FRMPD4: variants seen among roughly 807,000 people sequenced by gnomAD.
The protein encoded by FRMPD4 is FERM and PDZ domain-containing protein 4.
FRMPD4 carries 22 observed loss-of-function variants against 94.1 expected under a neutral mutation model. The ratio of observed to expected loss-of-function variants is 0.23; its 90% CI spans 0.17 to 0.33. The LOEUF is 0.33. Ranked by LOEUF, FRMPD4 falls within the 10% of genes least tolerant of loss-of-function variation. FRMPD4 has a pLI of 1.00. For synonymous variants in FRMPD4, 631 were observed against 548.6 expected (o/e 1.15, Z -2.10); for missense variants, 1,111 against 1,339.9 (o/e 0.83, Z 2.67).
chrX:12,339,345 TG>T (rs1423015929), intron 1 of FRMPD4, among the ~76,000 whole-genome samples: 1 of 112,133 alleles, frequency 8.9e-6, no homozygotes, highest in Non-Finnish European at 1.9e-5. Context: ...TGTTTTTGTT[TG>T]TTTCTTTGTT....
rs761843564 is a variant in FRMPD4, at chrX:12,402,138, G to C, written c.42-96542G>C. 4.5e-5 allele frequency among the ~76,000 whole-genome samples: 5 copies of C among 111,517 alleles called. No homozygotes were observed. The South Asian group carries it at 1.9e-3, about 42-fold the overall frequency. On this transcript the variant is annotated intron_variant, in intron 1 of 16. Coordinates refer to ENST00000675598, the MANE Select transcript of FRMPD4 (RefSeq NM_001368397.1). ...GGTTGAGGAGAAGGAGGAAGAGACTGGCTGGACTAAGTACAGCTAGCAGCT... is the reference window on the plus strand; with the variant it reads ...GGTTGAGGAGAAGGAGGAAGAGACTCGCTGGACTAAGTACAGCTAGCAGCT...
intron 1 of FRMPD4, among the ~76,000 whole-genome samples, chrX:12,281,763 CTG>C (rs1442961694): frequency 1.8e-5 from 2 of 111,842 alleles, no homozygotes; most frequent in East Asian, 2.8e-4. Context: ...GTGAAAGACA[CTG>C]TGCTCTGTAG....
At chrX:12,369,665 T>C (rs943297435) in intron 1 of FRMPD4, among the ~76,000 whole-genome samples, 9 of 112,170 alleles carry the variant, frequency 8.0e-5, no homozygotes, top group African/African-American at 2.9e-4. Flanking sequence ...AAGTAGGAAT[T>C]CAATAGTTGG....
intron 4 of FRMPD4, among the ~76,000 whole-genome samples, chrX:12,627,357 T>C (rs2059356542): frequency 8.9e-6 from 1 of 112,215 alleles, no homozygotes; most frequent in Non-Finnish European, 1.9e-5. Flanking sequence ...TGATGTGTAA[T>C]ATAATAAGGC....
At chrX:12,351,993 G>T in intron 1 of FRMPD4, among the ~76,000 whole-genome samples, 1 of 112,133 alleles carries the variant, frequency 8.9e-6, no homozygotes, top group South Asian at 3.7e-4. Flanking sequence ...ATATGTCTGT[G>T]TATTTGTGTT....
At chrX:12,697,292 A>T (rs1208653845) in intron 9 of FRMPD4, among the ~76,000 whole-genome samples, 1 of 112,060 alleles carries the variant, frequency 8.9e-6, no homozygotes, top group Admixed American at 9.4e-5. Context: ...TTCTCAGCTG[A>T]TCTGTTACTG....
At chrX:12,197,605 A>G (rs757823643) in intron 1 of FRMPD4, among the ~76,000 whole-genome samples, 1 of 112,005 alleles carries the variant, frequency 8.9e-6, no homozygotes, top group African/African-American at 3.2e-5. Context: ...CTGGCTGTAA[A>G]GGTGACTTTC....
intron 7 of FRMPD4, among the ~76,000 whole-genome samples, chrX:12,688,929 A>G (rs774490615): frequency 5.5e-5 from 6 of 109,834 alleles, no homozygotes; most frequent in Admixed American, 4.9e-4. Context: ...TTTTCACTCT[A>G]AGGTTTCCGG....
chrX:12,149,031 AAT>A (rs772411277), intron 1 of FRMPD4: 1 of 112,022 alleles, frequency 8.9e-6, no homozygotes, highest in East Asian at 2.8e-4. Flanking sequence ...CAAGGAGACT[AAT>A]ATTGTTTTCA....
At chrX:11,945,559 C>T (rs1174438570) in intron 3 of FRMPD4, among the ~76,000 whole-genome samples, 1 of 111,776 alleles carries the variant, frequency 8.9e-6, no homozygotes, top group Non-Finnish European at 1.9e-5. Context: ...ATTTGGCTCA[C>T]AGTTTTGCAG....
rs1370184216 is a variant in FRMPD4, at chrX:11,971,400, A to T, written c.95+93382A>T. ...AATTTTATTATTTATGTGAAAACACATATTTGTATAAATTTAACAATGTAA... is the reference window on the plus strand; with the variant it reads ...AATTTTATTATTTATGTGAAAACACTTATTTGTATAAATTTAACAATGTAA... On this transcript the variant is annotated intron_variant, in intron 3 of 18. Transcript: ENST00000640291. 8.0e-5 allele frequency among the ~76,000 whole-genome samples: 9 copies of T among 113,030 alleles called. No individual in the cohort carries two copies. In the Admixed American group the frequency reaches 8.4e-4, roughly 11 times the overall value.
intron 5 of FRMPD4, among the ~76,000 whole-genome samples, chrX:12,679,594 G>A (rs756524510): frequency 3.7e-4 from 41 of 111,951 alleles, no homozygotes; most frequent in Middle Eastern, 4.2e-3. Context: ...TGGTTGCCTG[G>A]GCAGGGTGCT....
rs1341031239 is a variant in FRMPD4 at position 12,722,215 on chromosome X, T to C, written c.*357T>C. The stretch of plus-strand genomic sequence containing the variant: ...TCCAAGTAGCTACTTGGAAACCATA[T>C]CATTCATATTTAGAAGTAAAACACA... On this transcript the variant is annotated 3_prime_UTR_variant, in exon 17 of 17. Transcript: ENST00000675598. The C allele has an allele frequency of 9.1e-6, 1 of 110,353 alleles. No homozygotes were observed. Among genetic ancestry groups the C allele is most frequent in the Admixed American group, 9.7e-5 (1 of 10,305 alleles). The allele number at this position is 110,353 out of a possible 1,213,427, so 9.1% of individuals were successfully genotyped here.
chrX:12,575,924 T>C (rs1422946169), intron 2 of FRMPD4, among the ~76,000 whole-genome samples: 1 of 112,316 alleles, frequency 8.9e-6, no homozygotes, highest in African/African-American at 3.2e-5. Flanking sequence ...GATTTTAGCC[T>C]AGAAAGACCC....
intron 1 of FRMPD4, among the ~76,000 whole-genome samples, chrX:12,331,086 G>T (rs1188755150): frequency 9.0e-6 from 1 of 111,699 alleles, no homozygotes; most frequent in African/African-American, 3.3e-5. Context: ...GGGCATGTCT[G>T]CATTCCAGTA....
chrX:11,848,937 G>C (rs767497624), intron 1 of FRMPD4, among the ~76,000 whole-genome samples: 30 of 111,618 alleles, frequency 2.7e-4, no homozygotes, highest in Non-Finnish European at 4.3e-4. Context: ...ACTTAATATA[G>C]TACTGGGAGT....
chrX:11,979,223 T>C (rs980571784), intron 3 of FRMPD4, among the ~76,000 whole-genome samples: 1 of 112,137 alleles, frequency 8.9e-6, no homozygotes, highest in Non-Finnish European at 1.9e-5. Context: ...CATAGGTATA[T>C]ATCACTAGAA....
intron 3 of FRMPD4, among the ~76,000 whole-genome samples, chrX:12,124,400 C>A (rs1373179564): frequency 9.0e-6 from 1 of 111,642 alleles, no homozygotes; most frequent in Non-Finnish European, 1.9e-5. Context: ...TGTGGCAGAC[C>A]AAATATCAAG....
At chrX:11,964,973 G>A (rs1268890111) in intron 3 of FRMPD4, among the ~76,000 whole-genome samples, 2 of 112,500 alleles carry the variant, frequency 1.8e-5, no homozygotes, top group Non-Finnish European at 3.8e-5. Flanking sequence ...CAGTGATAGC[G>A]GGCTTTCTCA....
Sources: allele counts gnomAD v4.1 joint callset (sites outside exome capture counted in the v4.1 genomes callset), GRCh38; gene constraint gnomAD v4.1.1; transcripts MANE v1.5; gene names NCBI Gene and HGNC (gene_info 2026-07-23, HGNC 2026-07-21).